DAB1: variants seen among roughly 807,000 people sequenced by gnomAD.
DAB1 encodes the protein disabled homolog 1.
In DAB1, 15 loss-of-function variants were observed where a neutral mutation model predicts 64.6. That is an observed-to-expected ratio of 0.23 (90% CI 0.16 to 0.36). The LOEUF (loss-of-function observed/expected upper bound fraction) is 0.36, where lower values mean the gene tolerates loss of function less well. Among genes scored for constraint, DAB1 ranks in the 10% least tolerant of loss-of-function variants. The probability of loss-of-function intolerance (pLI) is 1.00; values close to 1 mark genes in which losing one functional copy is unlikely to be tolerated. For synonymous variants in DAB1, 235 were observed against 251.9 expected, an observed-to-expected ratio of 0.93 and a Z score of 0.64; for missense variants, 596 against 706.7, an observed-to-expected ratio of 0.84 and a Z score of 1.78.
At chr1:58,303,949 C>T (rs989826968) in intron 4 of DAB1, among the ~76,000 whole-genome samples, 1 of 152,094 alleles carries the variant, frequency 6.6e-6, no homozygotes, top group Non-Finnish European at 1.5e-5. Flanking sequence ...TAGGGCCCAA[C>T]TCAGCTGGGG....
intron 4 of DAB1, among the ~76,000 whole-genome samples, chr1:57,128,791 T>G (rs2100774452): frequency 6.6e-6 from 1 of 152,252 alleles, no homozygotes; most frequent in Non-Finnish European, 1.5e-5. Context: ...CAACTCTAAG[T>G]GCAGTCTGAC....
intron 3 of DAB1, among the ~76,000 whole-genome samples, chr1:58,373,054 A>C (rs909037278): frequency 6.6e-6 from 1 of 152,200 alleles, no homozygotes; most frequent in African/African-American, 2.4e-5. Flanking sequence ...TGGAAGGAAC[A>C]GGAGTATTTC....
intron 7 of DAB1, among the ~76,000 whole-genome samples, chr1:57,613,186 T>A (rs1451778431): frequency 6.6e-6 from 1 of 152,214 alleles, no homozygotes; most frequent in Non-Finnish European, 1.5e-5. Flanking sequence ...TAGTATTATT[T>A]TTATGTTTTT....
chr1:57,402,770 C>A (rs746515883), intron 1 of DAB1, among the ~76,000 whole-genome samples: 9 of 152,176 alleles, frequency 5.9e-5, no homozygotes, highest in Non-Finnish European at 1.3e-4. Context: ...TAAACACAGA[C>A]AGAGCAAGAC....
chr1:57,692,056 CAGAG>C (rs980171363), intron 6 of DAB1, among the ~76,000 whole-genome samples: 1 of 152,008 alleles, frequency 6.6e-6, no homozygotes, highest in African/African-American at 2.4e-5. Flanking sequence ...CAAGGGTTGA[CAGAG>C]AGGAAAGCCA....
intron 5 of DAB1, among the ~76,000 whole-genome samples, chr1:57,952,486 G>A (rs1645300566): frequency 6.6e-6 from 1 of 152,076 alleles, no homozygotes; most frequent in South Asian, 2.1e-4. Flanking sequence ...GGATGTAGGT[G>A]CAGGTGAAAA....
chr1:57,942,194 G>T (rs2102053453), intron 5 of DAB1, among the ~76,000 whole-genome samples: 1 of 152,224 alleles, frequency 6.6e-6, no homozygotes, highest in Non-Finnish European at 1.5e-5. Context: ...ACAAGCCTTG[G>T]TATAGGCTGA....
At chr1:57,741,394 G>A (rs114912956) in intron 6 of DAB1, among the ~76,000 whole-genome samples, 272 of 152,214 alleles carry the variant, frequency 1.8e-3, no homozygotes, top group African/African-American at 6.4e-3. Flanking sequence ...CCATTTGATA[G>A]ACCAACAAAT....
intron 6 of DAB1, among the ~76,000 whole-genome samples, chr1:57,729,498 G>T (rs1355721474): frequency 6.6e-6 from 1 of 152,238 alleles, no homozygotes; most frequent in Non-Finnish European, 1.5e-5. Flanking sequence ...TAAGGAACAG[G>T]TGGGCACTGG....
Position 57,720,962 on chromosome 1 carries a change from CT to C in DAB1, n.552-71298del, listed in dbSNP as rs1647143350. ...GAGGGTCCTGATTAGCATATGCCAT[CT>C]CCCTTAAAGGGAGAGAAAGTGAGAG... On this transcript the variant is annotated intron_variant and non_coding_transcript_variant, in intron 6 of 20. Transcript: ENST00000485760. Among the ~76,000 whole-genome samples, 7 of 152,322 alleles carry C rather than the reference CT, an allele frequency of 4.6e-5. No homozygotes were observed. The South Asian group carries it at 1.5e-3, about 32-fold the overall frequency.
chr1:57,413,970 G>A (rs921015329), intron 1 of DAB1, among the ~76,000 whole-genome samples: 2 of 152,102 alleles, frequency 1.3e-5, no homozygotes, highest in Admixed American at 6.6e-5. Context: ...AAACTGAATT[G>A]CTGTAGTCTC....
intron 8 of DAB1, among the ~76,000 whole-genome samples, chr1:57,063,319 C>T (rs751689658): frequency 6.6e-6 from 1 of 152,018 alleles, no homozygotes; most frequent in African/African-American, 2.4e-5. Context: ...TGATTAAAAA[C>T]AGTTTGCAGC....
At chr1:57,001,609 A>G (rs1645870880) in intron 14 of DAB1, among the ~76,000 whole-genome samples, 1 of 152,150 alleles carries the variant, frequency 6.6e-6, no homozygotes, top group African/African-American at 2.4e-5. Flanking sequence ...CTCAAAGGAA[A>G]AGGCAAACTC....
chr1:57,686,232 C>G (rs1337440076), intron 6 of DAB1, among the ~76,000 whole-genome samples: 1 of 152,152 alleles, frequency 6.6e-6, no homozygotes, highest in Admixed American at 6.5e-5. Flanking sequence ...ACCAATCCCA[C>G]AGATATACAA....
chr1:58,488,935 G>C (rs6694699), intron 3 of DAB1, among the ~76,000 whole-genome samples: 16,390 of 152,310 alleles, frequency 0.11, 1,008 homozygotes, highest in Middle Eastern at 0.16. Context: ...TTTCATGAAA[G>C]ATGTGTACTT....
intron 4 of DAB1, among the ~76,000 whole-genome samples, chr1:58,162,209 C>A (rs368368549): frequency 1.3e-5 from 2 of 152,128 alleles, no homozygotes; most frequent in Admixed American, 6.6e-5. Flanking sequence ...TCTTATCATG[C>A]CAAAGGACAG....
chr1:58,074,564 G>GTGTGTGTATATATATATATATA (rs1332531604), intron 5 of DAB1: 127 of 91,568 alleles, frequency 1.4e-3, no homozygotes, highest in South Asian at 2.1e-3. Flanking sequence ...ATATATGTGT[G>GTGTGTGTATATATATATATATA]TATATATATA....
chr1:57,566,647 C>T (rs1282733861), intron 7 of DAB1, among the ~76,000 whole-genome samples: 1 of 152,108 alleles, frequency 6.6e-6, no homozygotes, highest in African/African-American at 2.4e-5. Context: ...ACTATAAACA[C>T]CTAAACACAA....
intron 1 of DAB1, among the ~76,000 whole-genome samples, chr1:57,370,231 A>T (rs1458396587): frequency 1.3e-5 from 2 of 152,204 alleles, no homozygotes; most frequent in East Asian, 3.9e-4. Flanking sequence ...CTCAACACAG[A>T]ACAGCAGCTC....
Sources: gnomAD v4.1 joint callset for allele counts (sites outside exome capture counted in the v4.1 genomes callset) on GRCh38, gnomAD v4.1.1 for gene constraint, MANE v1.5 for transcripts, NCBI Gene and HGNC (gene_info 2026-07-23, HGNC 2026-07-21) for gene names.